Variants in NABP2 observed in about 807,000 individuals in gnomAD.
The protein encoded by NABP2 is SOSS complex subunit B1.
In NABP2, 7 loss-of-function variants were observed where a neutral mutation model predicts 22.7. The observed-to-expected ratio is 0.31, with a 90% CI of 0.18 to 0.58. The LOEUF (loss-of-function observed/expected upper bound fraction) is 0.58, where lower values mean the gene tolerates loss of function less well. Ranked by LOEUF, NABP2 falls within the 20% of genes least tolerant of loss-of-function variation. The pLI is 0.89. For missense variants in NABP2, 188 were observed against 265.9 expected, an observed-to-expected ratio of 0.71 and a Z score of 2.04; for synonymous variants, 107 against 99.2, an observed-to-expected ratio of 1.08 and a Z score of -0.47.
At position 56,229,082 on chromosome 12, in the gene NABP2, C is replaced by A; in HGVS notation, c.505C>A (p.His169Asn). ...PGPGGGPHPP[H>N]TPSHPPSTRI... Reference sequence around the variant, plus strand: ...TCCCGGTGGTGGCCCACATCCCCCTCATACTCCCTCCCACCCACCCAGCAC... The same window carrying A: ...TCCCGGTGGTGGCCCACATCCCCCTAATACTCCCTCCCACCCACCCAGCAC... The change falls in exon 7 of 7, where the codon CAT becomes AAT. Residue 169 changes from histidine to asparagine, a missense_variant. Physicochemically the swap from His to Asn is moderately conservative, Grantham distance 68. Transcript: ENST00000267023. 2 of 1,610,540 alleles carry A rather than the reference C, an allele frequency of 1.2e-6. No individual in the cohort carries two copies. Among genetic ancestry groups the A allele is most frequent in the South Asian group, 2.2e-5 (2 of 90,626 alleles).
intron 6 of NABP2, 50 bp from the exon 7 acceptor site, chr12:56,228,964 C>T: frequency 6.5e-7 from 1 of 1,535,240 alleles, no homozygotes. Flanking sequence ...TGGGATGGAC[C>T]CCTCTCCTAT....
At chr12:56,225,832 C>T (rs1005701915) in intron 4 of NABP2, 137 bp downstream of exon 4, 6 of 1,000,044 alleles carry the variant, frequency 6.0e-6, no homozygotes, top group Non-Finnish European at 9.1e-6. Context: ...GAGAAACAGT[C>T]TCTGTCGCTC....
chr12:56,228,301 A>T (rs1167640875), intron 6 of NABP2, among the ~76,000 whole-genome samples: 2 of 151,928 alleles, frequency 1.3e-5, no homozygotes, highest in Non-Finnish European at 2.9e-5. Flanking sequence ...CTTTTTTTTA[A>T]GTGCCTCATA....
Position 56,229,087 on chromosome 12 carries a change from T to TTGCGGGG in NABP2, c.510_511insTGCGGGG (p.Pro171CysfsTer32). 6.6e-7 allele frequency: 1 copy of TTGCGGGG among 1,512,346 alleles called. No individual in the cohort carries two copies. The highest frequency in any genetic ancestry group is 9.1e-7 in the Non-Finnish European group (1 of 1,102,014). 93.7% of individuals were successfully genotyped at this position (1,512,346 alleles called of 1,614,324 possible). On this transcript the variant is annotated frameshift_variant, in exon 7 of 7. Coordinates refer to ENST00000267023, the MANE Select transcript of NABP2 (RefSeq NM_024068.4). LOFTEE classifies it high-confidence loss of function. The stretch of plus-strand genomic sequence containing the variant: ...GTGGTGGCCCACATCCCCCTCATAC[T>TTGCGGGG]CCCTCCCACCCACCCAGCACCCGAA...
chr12:56,226,478 G>C, intron 6 of NABP2, 59 bp downstream of exon 6: 1 of 1,397,950 alleles, frequency 7.2e-7, no homozygotes, highest in African/African-American at 1.4e-5. Context: ...CCTCAGCCTA[G>C]AAAGATGCAT....
rs10676452 is a variant in NABP2, at chr12:56,226,732, A to ATTT, written c.436+324_436+326dup. On this transcript the variant is annotated intron_variant, in intron 6 of 6. Coordinates refer to ENST00000267023, the MANE Select transcript of NABP2 (RefSeq NM_024068.4). ...AGGCACCTGCCACCATGCCCGGCTA[A>ATTT]TTTTTTTTTTTTTGAGATGGAGTCT... Among the ~76,000 whole-genome samples the ATTT allele has an allele frequency of 4.6e-5, 3 of 64,626 alleles. 1 individual carries two copies. Among genetic ancestry groups the ATTT allele is most frequent in the East Asian group, 8.6e-4 (2 of 2,334 alleles). 42.4% of individuals were successfully genotyped at this position (64,626 alleles called of 152,430 possible). A position where few individuals can be genotyped will look rare whatever the true frequency, so the allele number is the denominator to read the frequency against.
At position 56,226,364 on chromosome 12, in the gene NABP2, C is replaced by T; in HGVS notation, c.381C>T (p.Asn127=). 3 of 1,613,862 alleles carry T rather than the reference C, an allele frequency of 1.9e-6. No individual in the cohort carries two copies. The highest frequency in any genetic ancestry group is 1.7e-6 in the Non-Finnish European group (2 of 1,180,002). The part of the protein sequence containing the change: ...TQQAPNKAVQ[N]DSNPSASQPT... ...GTAATCTGTGCCTTCAGGTGCAGAACGACAGCAACCCTTCAGCTTCCCAGC... is the reference window on the plus strand; with the variant it reads ...GTAATCTGTGCCTTCAGGTGCAGAATGACAGCAACCCTTCAGCTTCCCAGC... Residue 127 remains asparagine (N), a synonymous_variant, in exon 6 of 7, where the codon AAC becomes AAT. Coordinates refer to ENST00000267023, the MANE Select transcript of NABP2 (RefSeq NM_024068.4).
At chr12:56,225,747 T>G in intron 4 of NABP2, 52 bp downstream of exon 4, 43 of 1,574,862 alleles carry the variant, frequency 2.7e-5, no homozygotes, top group Non-Finnish European at 3.3e-5. Flanking sequence ...CAAAGGGGTT[T>G]GCAAGGAGGC....
chr12:56,224,132 G>A (rs1309070808), upstream of NABP2, among the ~76,000 whole-genome samples: 1 of 152,180 alleles, frequency 6.6e-6, no homozygotes, highest in Non-Finnish European at 1.5e-5. Flanking sequence ...GGAAAACTGG[G>A]GGCCCTGTGC....
intron 6 of NABP2, among the ~76,000 whole-genome samples, chr12:56,227,487 G>A (rs1869828908): frequency 6.6e-6 from 1 of 152,064 alleles, no homozygotes; most frequent in Admixed American, 6.5e-5. Flanking sequence ...TGTTTCTAGA[G>A]CACCTACTAT....
In NABP2 at chr12:56,229,087, T is replaced by TTGGCGCCC; in HGVS notation, c.510_511insTGGCGCCC (p.Pro171TrpfsTer65). On this transcript the variant is annotated frameshift_variant, in exon 7 of 7. Transcript: ENST00000267023. LOFTEE classifies it high-confidence loss of function. ...GTGGTGGCCCACATCCCCCTCATAC[T>TTGGCGCCC]CCCTCCCACCCACCCAGCACCCGAA... The TTGGCGCCC allele has an allele frequency of 6.6e-7, 1 of 1,512,344 alleles. No homozygotes were observed. Among genetic ancestry groups the TTGGCGCCC allele is most frequent in the Non-Finnish European group, 9.1e-7 (1 of 1,102,012 alleles). The allele number at this position is 1,512,344 out of a possible 1,614,324, so 93.7% of individuals were successfully genotyped here.
intron 6 of NABP2, among the ~76,000 whole-genome samples, chr12:56,227,546 T>C (rs528140272): frequency 6.6e-6 from 1 of 152,324 alleles, no homozygotes; most frequent in East Asian, 1.9e-4. Flanking sequence ...TTGTGGTTTA[T>C]ACAGGAGAGA....
intron 1 of NABP2, 91 bp from the exon 2 acceptor site, chr12:56,224,743 C>T (rs1166698490): frequency 1.7e-6 from 2 of 1,200,802 alleles, no homozygotes; most frequent in Admixed American, 1.7e-5. Flanking sequence ...GCTGCCTGAC[C>T]CCAGCCTAAT....
At position 56,229,138 on chromosome 12, in the gene NABP2, A is replaced by G; in HGVS notation, c.561A>G (p.Thr187=). ...TRITRSQPNH[T]PAGPPGPSSN... is the part of the protein sequence containing the mutation. ...TCACTCGAAGCCAGCCCAACCACAC[A>G]CCTGCAGGCCCGCCTGGCCCTTCCA... Residue 187 remains threonine, a synonymous_variant, in exon 7 of 7, where the codon ACA becomes ACG. Transcript: ENST00000267023. 7.3e-7 allele frequency: 1 copy of G among 1,377,838 alleles called. No homozygotes were observed. The highest frequency in any genetic ancestry group is 9.6e-7 in the Non-Finnish European group (1 of 1,040,692). 85.4% of individuals were successfully genotyped at this position (1,377,838 alleles called of 1,614,324 possible). A position where few individuals can be genotyped will look rare whatever the true frequency, so the allele number is the denominator to read the frequency against.
intron 6 of NABP2, among the ~76,000 whole-genome samples, chr12:56,228,608 G>A (rs1285811183): frequency 2.0e-5 from 3 of 151,950 alleles, no homozygotes; most frequent in Non-Finnish European, 4.4e-5. Context: ...GGCTGGTCTC[G>A]AATGCCTGAC....
In NABP2 at chr12:56,225,714, A is replaced by G; in HGVS notation, c.290+19A>G. ...TTGGAGAGTAAGTGCTGTCTTGGGG[A>G]TTGGGATGAAGAAGCACCAGGGCAA... On this transcript the variant is annotated intron_variant, in intron 4 of 6. Coordinates refer to ENST00000267023, the MANE Select transcript of NABP2 (RefSeq NM_024068.4). 1 of 1,613,718 alleles carries G rather than the reference A, an allele frequency of 6.2e-7. No homozygotes were observed. The highest frequency in any genetic ancestry group is 8.5e-7 in the Non-Finnish European group (1 of 1,179,690).
upstream of NABP2, chr12:56,222,074 A>C (rs531456869): frequency 6.6e-6 from 1 of 152,378 alleles, no homozygotes; most frequent in African/African-American, 2.4e-5. Context: ...CTAGACAGGA[A>C]GTCTAGTCTA....
rs1291773993 is a variant in NABP2 at position 56,226,721 on chromosome 12, A to C, written c.436+302A>C. ...ACTAGGATTACAGGCACCTGCCACC[A>C]TGCCCGGCTAATTTTTTTTTTTTTG... On this transcript the variant is annotated intron_variant, in intron 6 of 6. Transcript: ENST00000267023. 8.7e-5 allele frequency among the ~76,000 whole-genome samples: 4 copies of C among 46,030 alleles called. No individual in the cohort carries two copies. In the Admixed American group the frequency reaches 1.2e-3, roughly 13 times the overall value. 30.2% of individuals were successfully genotyped at this position (46,030 alleles called of 152,430 possible).
At chr12:56,224,723 AG>A (rs1869678352) in intron 1 of NABP2, 110 bp from the exon 2 acceptor site, 1 of 1,032,408 alleles carries the variant, frequency 9.7e-7, no homozygotes, top group South Asian at 1.3e-5. Flanking sequence ...GAAGGGTTAG[AG>A]GGGTTGAGGC....
Sources: allele counts gnomAD v4.1 joint callset (sites outside exome capture counted in the v4.1 genomes callset), GRCh38; gene constraint gnomAD v4.1.1; transcripts MANE v1.5; gene names NCBI Gene and HGNC (gene_info 2026-07-23, HGNC 2026-07-21).